PTPRD: variants seen among roughly 807,000 people sequenced by gnomAD.
PTPRD encodes protein tyrosine phosphatase receptor type D, also known as receptor-type tyrosine-protein phosphatase delta.
In PTPRD, 34 loss-of-function variants were observed where a neutral mutation model predicts 214.5. The ratio of observed to expected loss-of-function variants is 0.16; its 90% CI spans 0.12 to 0.21. The LOEUF is 0.21. Ranked by LOEUF, PTPRD falls within the 10% of genes least tolerant of loss-of-function variation. The probability of loss-of-function intolerance (pLI) is 1.00; values close to 1 mark genes in which losing one functional copy is unlikely to be tolerated. For missense variants in PTPRD, 2,545 were observed against 2,398.7 expected (o/e 1.06, Z -1.27); for synonymous variants, 1,128 against 845.7 (o/e 1.33, Z -5.79).
chr9:8,674,456 C>CAAA (rs57588808), intron 12 of PTPRD, among the ~76,000 whole-genome samples: 4 of 62,332 alleles, frequency 6.4e-5, no homozygotes, highest in Admixed American at 5.2e-4. Flanking sequence ...GACGCTGTCT[C>CAAA]AAAAAAAAAA....
intron 4 of PTPRD, among the ~76,000 whole-genome samples, chr9:9,967,338 A>C (rs2154032802): frequency 6.6e-6 from 1 of 152,286 alleles, no homozygotes; most frequent in African/African-American, 2.4e-5. Context: ...AAGGCCCTTA[A>C]CAACTAGAAT....
intron 3 of PTPRD, among the ~76,000 whole-genome samples, chr9:10,049,408 AAAG>A (rs1407485679): frequency 5.0e-5 from 4 of 80,122 alleles, no homozygotes; most frequent in African/African-American, 8.0e-5. Context: ...TAAAAAAAAA[AAAG>A]AAAGAAAGAA....
At chr9:10,153,810 T>G (rs756336804) in intron 3 of PTPRD, among the ~76,000 whole-genome samples, 1 of 152,120 alleles carries the variant, frequency 6.6e-6, no homozygotes, top group East Asian at 1.9e-4. Context: ...GCAAATGACA[T>G]GATCTTGTTC....
chr9:10,481,036 C>CT (rs34046583), intron 2 of PTPRD, among the ~76,000 whole-genome samples: 15,085 of 148,390 alleles, frequency 0.1, 822 homozygotes, highest in East Asian at 0.25. Flanking sequence ...TCATTTGGTA[C>CT]TTTTTTTTTT....
intron 9 of PTPRD, among the ~76,000 whole-genome samples, chr9:9,349,756 TG>T (rs1340155479): frequency 6.7e-6 from 1 of 148,338 alleles, no homozygotes; most frequent in East Asian, 1.9e-4. Flanking sequence ...ACCCATCACA[TG>T]TTTTTTTTTT....
chr9:10,031,602 C>T (rs1456465820), intron 4 of PTPRD, among the ~76,000 whole-genome samples: 2 of 128,554 alleles, frequency 1.6e-5, no homozygotes, highest in South Asian at 2.4e-4. Context: ...TGATCATGTA[C>T]ATTAATAATA....
chr9:8,822,923 A>T (rs1254213133), intron 11 of PTPRD, among the ~76,000 whole-genome samples: 1 of 152,174 alleles, frequency 6.6e-6, no homozygotes, highest in Non-Finnish European at 1.5e-5. Flanking sequence ...AACTAAGCCC[A>T]GTGTTCACAC....
At chr9:9,150,948 G>T (rs1489560955) in intron 10 of PTPRD, among the ~76,000 whole-genome samples, 2 of 152,120 alleles carry the variant, frequency 1.3e-5, no homozygotes, top group East Asian at 3.9e-4. Flanking sequence ...AAAGATTTTT[G>T]AGATAGAAGT....
At chr9:9,551,834 G>A (rs2080346505) in intron 8 of PTPRD, among the ~76,000 whole-genome samples, 1 of 151,870 alleles carries the variant, frequency 6.6e-6, no homozygotes. Context: ...CTGTAATTTA[G>A]GATACTGTAA....
chr9:9,265,194 G>A (rs1408936427), intron 9 of PTPRD, among the ~76,000 whole-genome samples: 1 of 151,588 alleles, frequency 6.6e-6, no homozygotes, highest in Admixed American at 6.6e-5. Context: ...AAAGGTAAAA[G>A]ACAAAAATAT....
At chr9:8,920,883 G>C (rs1002913924) in intron 11 of PTPRD, among the ~76,000 whole-genome samples, 1 of 151,980 alleles carries the variant, frequency 6.6e-6, no homozygotes, top group African/African-American at 2.4e-5. Context: ...GTGCAATCTC[G>C]GCTCACCACA....
At chr9:8,978,961 G>A (rs895349320) in intron 11 of PTPRD, among the ~76,000 whole-genome samples, 1 of 152,022 alleles carries the variant, frequency 6.6e-6, no homozygotes, top group Non-Finnish European at 1.5e-5. Flanking sequence ...ATCCAATGAG[G>A]CTGCCATCTT....
At chr9:10,402,212 T>C (rs1264622252) in intron 2 of PTPRD, among the ~76,000 whole-genome samples, 2 of 151,720 alleles carry the variant, frequency 1.3e-5, no homozygotes, top group East Asian at 1.9e-4. Flanking sequence ...CAGATTGTCT[T>C]ATGAACATGC....
At chr9:10,287,833 G>A (rs1007553385) in intron 3 of PTPRD, among the ~76,000 whole-genome samples, 3 of 151,826 alleles carry the variant, frequency 2.0e-5, no homozygotes, top group African/African-American at 4.8e-5. Context: ...TTGTCCAATC[G>A]TTCCAGAGCG....
chr9:9,607,781 G>A (rs550721670), intron 7 of PTPRD, among the ~76,000 whole-genome samples: 1 of 151,626 alleles, frequency 6.6e-6, no homozygotes, highest in African/African-American at 2.4e-5. Context: ...CAGACGTTTT[G>A]AGGGATGTAT....
intron 7 of PTPRD, among the ~76,000 whole-genome samples, chr9:9,599,734 T>C (rs1271134840): frequency 1.3e-5 from 2 of 152,018 alleles, no homozygotes; most frequent in African/African-American, 4.8e-5. Context: ...ATTCCTGTAA[T>C]TTAAAAACAC....
chr9:8,321,239 T>C lies in PTPRD; in HGVS notation c.5535-1273A>G, dbSNP rs149527288. On this transcript the variant is annotated intron_variant, in intron 44 of 45. Transcript: ENST00000381196. Reference sequence around the variant, plus strand: ...GTTGAATGATCTAGGTACTCCAGAGTCTATCTTACCTTGCCAGAGTCTATC... The same window carrying C: ...GTTGAATGATCTAGGTACTCCAGAGCCTATCTTACCTTGCCAGAGTCTATC... Among the ~76,000 whole-genome samples the C allele has an allele frequency of 5.6e-3, 844 of 151,684 alleles. 7 individuals are homozygous for C. Among genetic ancestry groups the C allele is most frequent in the African/African-American group, 0.018 (764 of 41,390 alleles).
At chr9:9,516,696 C>T (rs564502972) in intron 8 of PTPRD, among the ~76,000 whole-genome samples, 1 of 151,886 alleles carries the variant, frequency 6.6e-6, no homozygotes, top group Non-Finnish European at 1.5e-5. Flanking sequence ...GGCCACCACA[C>T]CCAGTTAATT....
At chr9:9,562,987 C>G (rs1310266509) in intron 8 of PTPRD, among the ~76,000 whole-genome samples, 1 of 152,104 alleles carries the variant, frequency 6.6e-6, no homozygotes, top group Non-Finnish European at 1.5e-5. Flanking sequence ...TAGCTGCTCA[C>G]CAAATATTTA....
Sources: allele counts gnomAD v4.1 joint callset (sites outside exome capture counted in the v4.1 genomes callset), GRCh38; gene constraint gnomAD v4.1.1; transcripts MANE v1.5; gene names NCBI Gene and HGNC (gene_info 2026-07-23, HGNC 2026-07-21).